The following CACNB2 variants were observed in gnomAD, a reference collection of about 807,000 sequenced individuals.
CACNB2 encodes calcium voltage-gated channel auxiliary subunit beta 2.
A neutral mutation model predicts 73.3 loss-of-function variants in CACNB2; 42 were observed. The observed-to-expected ratio is 0.57, with a 90% CI of 0.45 to 0.74. The LOEUF (loss-of-function observed/expected upper bound fraction) is 0.74, where lower values mean the gene tolerates loss of function less well. Among genes scored for constraint, CACNB2 ranks in the 30% least tolerant of loss-of-function variants. CACNB2 has a pLI of 0.00. For missense variants in CACNB2, 940 were observed against 853.0 expected (o/e 1.10, Z -1.27); for synonymous variants, 348 against 310.3 (o/e 1.12, Z -1.28).
At chr10:18,406,635 G>C (rs1450043848) in intron 3 of CACNB2, among the ~76,000 whole-genome samples, 1 of 152,040 alleles carries the variant, frequency 6.6e-6, no homozygotes, top group Non-Finnish European at 1.5e-5. Flanking sequence ...ACAAGCTCAG[G>C]GTTCCTACTG....
intron 6 of CACNB2, among the ~76,000 whole-genome samples, chr10:18,506,917 G>A (rs1028923822): frequency 9.2e-5 from 14 of 152,066 alleles, no homozygotes; most frequent in Non-Finnish European, 1.0e-4. Flanking sequence ...CCCCACCTCC[G>A]CTTCCCAAGT....
At chr10:18,464,421 A>AAT (rs1194950498) in intron 3 of CACNB2, among the ~76,000 whole-genome samples, 14 of 124,464 alleles carry the variant, frequency 1.1e-4, no homozygotes, top group South Asian at 4.5e-4. Context: ...CAAAAATTAA[A>AAT]AAAAAAAAAA....
intron 2 of CACNB2, among the ~76,000 whole-genome samples, chr10:18,362,847 G>A (rs2042197342): frequency 6.6e-6 from 1 of 152,124 alleles, no homozygotes; most frequent in South Asian, 2.1e-4. Flanking sequence ...GGTGGAGGTT[G>A]CAGTGAGCTG....
intron 3 of CACNB2, among the ~76,000 whole-genome samples, chr10:18,452,514 G>T (rs928903153): frequency 1.3e-5 from 2 of 152,136 alleles, no homozygotes; most frequent in African/African-American, 4.8e-5. Flanking sequence ...ATTAATCTTT[G>T]CAAAAATAAA....
chr10:18,477,775 T>C (rs1162727334), intron 3 of CACNB2, among the ~76,000 whole-genome samples: 2 of 152,190 alleles, frequency 1.3e-5, no homozygotes, highest in Admixed American at 6.6e-5. Flanking sequence ...TTCAGTAAAT[T>C]GGCACTTTAC....
chr10:18,494,672 A>T (rs1487291066), intron 3 of CACNB2, among the ~76,000 whole-genome samples: 1 of 151,562 alleles, frequency 6.6e-6, no homozygotes, highest in East Asian at 1.9e-4. Context: ...AACATCTGAA[A>T]GATGTGAAAG....
intron 2 of CACNB2, among the ~76,000 whole-genome samples, chr10:18,280,805 A>G (rs1426619374): frequency 1.3e-5 from 2 of 152,214 alleles, no homozygotes; most frequent in Non-Finnish European, 1.5e-5. Context: ...CTCTTTATGT[A>G]TTGATGTATT....
chr10:18,269,878 T>C (rs2037975581), intron 2 of CACNB2, among the ~76,000 whole-genome samples: 1 of 152,232 alleles, frequency 6.6e-6, no homozygotes, highest in South Asian at 2.1e-4. Context: ...GTCCCTCTTC[T>C]TTACTTTCTG....
chr10:18,452,343 G>C lies in CACNB2; in HGVS notation c.334-46012G>C, dbSNP rs1042182170. On this transcript the variant is annotated intron_variant, in intron 3 of 13. Coordinates refer to ENST00000324631, the MANE Select transcript of CACNB2 (RefSeq NM_201596.3). ...CTTAGGAGGCTGAAGCAGGAGGATTGCTTAAGCCCAGGAGGCTGAGGCTGC... is the reference window on the plus strand; with the variant it reads ...CTTAGGAGGCTGAAGCAGGAGGATTCCTTAAGCCCAGGAGGCTGAGGCTGC... Among the ~76,000 whole-genome samples the C allele has an allele frequency of 3.3e-5, 5 of 152,062 alleles. No homozygotes were observed. The South Asian group carries it at 1.0e-3, about 32-fold the overall frequency.
At chr10:18,447,737 A>G (rs1291623855) in intron 3 of CACNB2, among the ~76,000 whole-genome samples, 1 of 152,156 alleles carries the variant, frequency 6.6e-6, no homozygotes, top group Non-Finnish European at 1.5e-5. Flanking sequence ...AAAGGCATGA[A>G]CAGAAAGTAC....
chr10:18,173,502 G>C (rs1163518682), intron 2 of CACNB2, among the ~76,000 whole-genome samples: 2 of 152,204 alleles, frequency 1.3e-5, no homozygotes, highest in African/African-American at 4.8e-5. Flanking sequence ...TGTATTCCTG[G>C]TTGAGAGATT....
chr10:18,368,708 C>T (rs1409693175), intron 2 of CACNB2, among the ~76,000 whole-genome samples: 1 of 151,956 alleles, frequency 6.6e-6, no homozygotes, highest in East Asian at 1.9e-4. Flanking sequence ...GGAATACAAA[C>T]ATTCATTAAT....
chr10:18,215,459 T>C (rs1211229970), intron 2 of CACNB2, among the ~76,000 whole-genome samples: 2 of 152,220 alleles, frequency 1.3e-5, no homozygotes, highest in Non-Finnish European at 2.9e-5. Flanking sequence ...CAAAGAATTT[T>C]AAGTAAGCAC....
At chr10:18,464,418 TAAA>T (rs762982462) in intron 3 of CACNB2, among the ~76,000 whole-genome samples, 3,181 of 85,336 alleles carry the variant, frequency 0.037, 148 homozygotes, top group Middle Eastern at 0.056. Flanking sequence ...TCTCAAAAAT[TAAA>T]AAAAAAAAAA....
intron 2 of CACNB2, among the ~76,000 whole-genome samples, chr10:18,334,534 A>G (rs7093791): frequency 0.76 from 114,897 of 152,066 alleles, 44,001 homozygotes; most frequent in Middle Eastern, 0.87. Flanking sequence ...CAGCTTTGAC[A>G]TAAAGGGCAC....
In CACNB2 at chr10:18,442,927, T is replaced by TCACAC. The variant is rs2046494143; in HGVS notation, c.333+40884_333+40885insCACAC. ...TAAAAACAATATATATATATATATG[T>TCACAC]ATATATATATATATGTGTATATATA... On this transcript the variant is annotated intron_variant, in intron 3 of 13. Transcript: ENST00000324631. Among the ~76,000 whole-genome samples, 5 of 50,104 alleles carry TCACAC rather than the reference T, an allele frequency of 1.0e-4. 1 individual carries two copies. Among genetic ancestry groups the TCACAC allele is most frequent in the African/African-American group, 7.4e-4 (5 of 6,790 alleles). 32.9% of individuals were successfully genotyped at this position (50,104 alleles called of 152,430 possible). A position where few individuals can be genotyped will look rare whatever the true frequency, so the allele number is the denominator to read the frequency against.
rs529092725 is a variant in CACNB2 at position 18,159,105 on chromosome 10, T to C, written c.213+8130T>C. On this transcript the variant is annotated intron_variant, in intron 2 of 13. Coordinates refer to ENST00000324631, the MANE Select transcript of CACNB2 (RefSeq NM_201596.3). Reference sequence around the variant, plus strand: ...ATTTTCTTAAAGACATGTGTTCTCCTTGGCTACATTTATGTACCTGGCAGC... The same window carrying C: ...ATTTTCTTAAAGACATGTGTTCTCCCTGGCTACATTTATGTACCTGGCAGC... Among the ~76,000 whole-genome samples, 27 of 152,218 alleles carry C rather than the reference T, an allele frequency of 1.8e-4. No homozygotes were observed. The East Asian group carries it at 4.8e-3, about 27-fold the overall frequency.
chr10:18,532,686 AAAAAAAAAAAC>A (rs1393539628), intron 10 of CACNB2, among the ~76,000 whole-genome samples: 2 of 58,822 alleles, frequency 3.4e-5, no homozygotes, highest in African/African-American at 7.0e-5. Context: ...CAAAAAAAAA[AAAAAAAAAAAC>A]AAAACAAAAA....
chr10:18,284,866 T>A (rs1181464804), intron 2 of CACNB2, among the ~76,000 whole-genome samples: 1 of 152,208 alleles, frequency 6.6e-6, no homozygotes, highest in Non-Finnish European at 1.5e-5. Context: ...AGGAACTGGA[T>A]GCAAATGGTT....
Sources: gnomAD v4.1 joint callset for allele counts (sites outside exome capture counted in the v4.1 genomes callset) on GRCh38, gnomAD v4.1.1 for gene constraint, MANE v1.5 for transcripts, NCBI Gene and HGNC (gene_info 2026-07-23, HGNC 2026-07-21) for gene names.